SLC17A1: variants seen among roughly 807,000 people sequenced by gnomAD.
SLC17A1 encodes sodium-dependent phosphate transport protein 1.
A neutral mutation model predicts 53.5 loss-of-function variants in SLC17A1; 51 were observed. The observed-to-expected ratio is 0.95, with a 90% CI of 0.76 to 1.20. The LOEUF (loss-of-function observed/expected upper bound fraction) is 1.20, where lower values mean the gene tolerates loss of function less well. SLC17A1 is among the 50% of genes most tolerant of loss of function. The probability of loss-of-function intolerance (pLI) is 0.00; values close to 1 mark genes in which losing one functional copy is unlikely to be tolerated. For synonymous variants in SLC17A1, 179 were observed against 198.8 expected (o/e 0.90, Z 0.84); for missense variants, 538 against 568.2 (o/e 0.95, Z 0.54).
chr6:25,823,572 C>T (rs1489347145), intron 3 of SLC17A1, among the ~76,000 whole-genome samples: 3 of 152,058 alleles, frequency 2.0e-5, no homozygotes, highest in Non-Finnish European at 4.4e-5. Context: ...AAATGATATA[C>T]AGCATCTTTT....
the SLC17A1 span, among the ~76,000 whole-genome samples, chr6:25,745,020 TA>T: frequency 1.3e-5 from 2 of 151,830 alleles, no homozygotes; most frequent in Non-Finnish European, 2.9e-5. Flanking sequence ...AAACCAGAAA[TA>T]AAAGCACATA....
the SLC17A1 span, among the ~76,000 whole-genome samples, chr6:25,742,020 A>G: frequency 6.6e-6 from 1 of 152,196 alleles, no homozygotes; most frequent in Non-Finnish European, 1.5e-5. Flanking sequence ...GGAGCATTCA[A>G]ATACTCTGTG....
At chr6:25,776,365 C>G in the SLC17A1 span, among the ~76,000 whole-genome samples, 1 of 151,152 alleles carries the variant, frequency 6.6e-6, no homozygotes, top group Admixed American at 6.6e-5. Context: ...ATATTTATTT[C>G]CAGGTGATTT....
chr6:25,815,911 CTTTT>C (rs59495721), intron 6 of SLC17A1, among the ~76,000 whole-genome samples: 107 of 134,344 alleles, frequency 8.0e-4, no homozygotes, highest in African/African-American at 8.0e-4. Flanking sequence ...AAAATGCTTA[CTTTT>C]TTTTTTTTTT....
At chr6:25,805,452 C>T (rs186382951) in intron 10 of SLC17A1, among the ~76,000 whole-genome samples, 1 of 151,994 alleles carries the variant, frequency 6.6e-6, no homozygotes, top group Admixed American at 6.6e-5. Flanking sequence ...AACCTAATGT[C>T]ACACCTCAAG....
At chr6:25,810,247 C>T (rs919314331) in intron 10 of SLC17A1, among the ~76,000 whole-genome samples, 2 of 151,942 alleles carry the variant, frequency 1.3e-5, no homozygotes, top group African/African-American at 4.8e-5. Context: ...GCAATGAAAG[C>T]AAAGACAGAC....
At chr6:25,821,557 G>A (rs1764562793) in intron 3 of SLC17A1, among the ~76,000 whole-genome samples, 1 of 152,172 alleles carries the variant, frequency 6.6e-6, no homozygotes, top group South Asian at 2.1e-4. Flanking sequence ...CCCATATCAG[G>A]TGGGCCAGCA....
downstream of SLC17A1, chr6:25,778,067 T>G: frequency 7.5e-7 from 1 of 1,325,398 alleles, no homozygotes; most frequent in Non-Finnish European, 1.1e-6. Context: ...TATAGAGGCA[T>G]GGTTTTTTCA....
At chr6:25,738,654 T>C in the SLC17A1 span, among the ~76,000 whole-genome samples, 77 of 152,302 alleles carry the variant, frequency 5.1e-4, no homozygotes, top group African/African-American at 1.6e-3. Context: ...ATACTTGATC[T>C]ATGTTAATAT....
At chr6:25,829,130 A>G (rs1764856027) in intron 2 of SLC17A1, among the ~76,000 whole-genome samples, 1 of 152,134 alleles carries the variant, frequency 6.6e-6, no homozygotes, top group African/African-American at 2.4e-5. Flanking sequence ...TGGGCCTTGA[A>G]GTCAGATGTT....
intron 12 of SLC17A1, among the ~76,000 whole-genome samples, chr6:25,791,630 G>A (rs2151476082): frequency 6.6e-6 from 1 of 152,286 alleles, no homozygotes; most frequent in Admixed American, 6.5e-5. Context: ...ACTATGAATT[G>A]TCTAGAAGGA....
chr6:25,810,278 A>G (rs1406180431), intron 10 of SLC17A1, among the ~76,000 whole-genome samples: 1 of 152,144 alleles, frequency 6.6e-6, no homozygotes, highest in Non-Finnish European at 1.5e-5. Context: ...ATATCAAACT[A>G]AACAGCTTCT....
chr6:25,726,893 G>GA, the SLC17A1 span: 4 of 1,605,522 alleles, frequency 2.5e-6, no homozygotes, highest in Non-Finnish European at 3.4e-6. Flanking sequence ...TAACGCTGCA[G>GA]AAGTGTGTGG....
At chr6:25,788,102 A>G (rs1763422488) in intron 12 of SLC17A1, among the ~76,000 whole-genome samples, 1 of 152,154 alleles carries the variant, frequency 6.6e-6, no homozygotes. Context: ...TTCCTTAAAC[A>G]AATCAGCTGA....
chr6:25,734,664 G>A, the SLC17A1 span, among the ~76,000 whole-genome samples: 1 of 152,206 alleles, frequency 6.6e-6, no homozygotes, highest in African/African-American at 2.4e-5. Context: ...CGAGTGTAAG[G>A]ATGTTTGAAT....
Position 25,811,671 on chromosome 6 carries a change from C to G in SLC17A1, c.997G>C (p.Val333Leu), listed in dbSNP as rs376055863. 3.1e-6 allele frequency: 5 copies of G among 1,613,926 alleles called. No individual in the cohort carries two copies. The highest frequency in any genetic ancestry group is 4.2e-6 in the Non-Finnish European group (5 of 1,179,870). The change falls in exon 9 of 13, where the codon GTA becomes CTA. Residue 333 changes from valine to leucine, a missense_variant. Physicochemically the swap from Val to Leu is conservative, Grantham distance 32. Transcript: ENST00000244527. The part of the protein sequence containing the change: ...DFFLTRNILS[V>L]IAVRKLFTAA... ...GTGAAGAGTTTCCGGACAGCAATTA[C>G]GCTGAGAATATTCCTGGTCAGGAAG...
At chr6:25,726,801 A>T in the SLC17A1 span, 13 of 1,354,598 alleles carry the variant, frequency 9.6e-6, no homozygotes, top group Non-Finnish European at 1.3e-5. Context: ...CGAGACTTGG[A>T]GCTGAGGTCA....
chr6:25,729,538 G>A, the SLC17A1 span, among the ~76,000 whole-genome samples: 1 of 152,214 alleles, frequency 6.6e-6, no homozygotes, highest in African/African-American at 2.4e-5. Context: ...AACTGAGCTA[G>A]TTCAGGTGCT....
At chr6:25,725,930 G>A in the SLC17A1 span, among the ~76,000 whole-genome samples, 1 of 152,148 alleles carries the variant, frequency 6.6e-6, no homozygotes, top group Non-Finnish European at 1.5e-5. Context: ...ACTAATGGCC[G>A]ATGGAACGCT....
Sources: gnomAD v4.1 joint callset for allele counts (sites outside exome capture counted in the v4.1 genomes callset) on GRCh38, gnomAD v4.1.1 for gene constraint, MANE v1.5 for transcripts, NCBI Gene and HGNC (gene_info 2026-07-23, HGNC 2026-07-21) for gene names.